KRT84: variants seen among roughly 807,000 people sequenced by gnomAD.
KRT84 encodes the protein keratin, type II cuticular Hb4.
Under a neutral mutation model 49.0 loss-of-function variants are expected in KRT84, and 38 were observed. The observed-to-expected ratio is 0.78, with a 90% confidence interval of 0.60 to 1.02. The LOEUF (loss-of-function observed/expected upper bound fraction) is 1.02. Among genes scored for constraint, KRT84 ranks in the 50% least tolerant of loss-of-function variants. The pLI, the probability that KRT84 is intolerant of heterozygous loss-of-function variation, is 0.00. For synonymous variants in KRT84, 334 were observed against 312.8 expected (o/e 1.07, Z -0.72); for missense variants, 860 against 788.6 (o/e 1.09, Z -1.08).
In KRT84 at chr12:52,381,347, C is replaced by G. The variant is rs777211528; in HGVS notation, c.1077+14G>C. The G allele has an allele frequency of 4.3e-6, 7 of 1,613,996 alleles. No individual in the cohort carries two copies. Among genetic ancestry groups the G allele is most frequent in the East Asian group, 4.5e-5 (2 of 44,892 alleles). On this transcript the variant is annotated intron_variant, in intron 5 of 8. Coordinates refer to ENST00000257951, the MANE Select transcript of KRT84 (RefSeq NM_033045.4). ...AGAGCTGCCTACATCCCTTCCCCAGCCTCCACTGCCCACCTTGGTCTGGTA... is the reference window on the plus strand; with the variant it reads ...AGAGCTGCCTACATCCCTTCCCCAGGCTCCACTGCCCACCTTGGTCTGGTA...
upstream of KRT84, among the ~76,000 whole-genome samples, chr12:52,386,834 C>A (rs2000936): frequency 0.053 from 7,996 of 152,180 alleles, 649 homozygotes; most frequent in African/African-American, 0.17. Flanking sequence ...CTTTTCTATT[C>A]TAGTGCATCC....
intron 8 of KRT84, among the ~76,000 whole-genome samples, chr12:52,378,831 C>T (rs1236820547): frequency 6.6e-6 from 1 of 152,214 alleles, no homozygotes; most frequent in African/African-American, 2.4e-5. Context: ...ACCCCTCCAA[C>T]ACTAGTCCCT....
intron 7 of KRT84, 35 bp downstream of exon 7, chr12:52,380,328 T>A (rs1335455794): frequency 1.2e-6 from 2 of 1,610,688 alleles, no homozygotes; most frequent in Non-Finnish European, 1.7e-6. Context: ...TGCCTAAGTC[T>A]GACTTCACTC....
At chr12:52,383,423 C>T (rs546202317) in intron 2 of KRT84, among the ~76,000 whole-genome samples, 167 bp downstream of exon 2, 10 of 152,026 alleles carry the variant, frequency 6.6e-5, no homozygotes, top group Non-Finnish European at 1.0e-4. Context: ...TCAGGAGGGC[C>T]TCCTCTTCTC....
At chr12:52,380,612 T>C in intron 6 of KRT84, 29 bp from the exon 7 acceptor site, 1 of 1,570,608 alleles carries the variant, frequency 6.4e-7, no homozygotes, top group Non-Finnish European at 8.6e-7. Context: ...GCAGGTAGGC[T>C]TCGGCAGTGC....
At chr12:52,382,396 C>A (rs201280600) in intron 4 of KRT84, 41 bp downstream of exon 4, 3 of 1,333,956 alleles carry the variant, frequency 2.2e-6, no homozygotes, top group East Asian at 2.3e-5. Context: ...CCAGGCCAAG[C>A]ATTGATCTCC....
rs575564721 is a variant in KRT84 at position 52,385,395 on chromosome 12, C to T, written c.191G>A (p.Arg64Gln). 65 of 1,614,178 alleles carry T rather than the reference C, an allele frequency of 4.0e-5. No individual in the cohort carries two copies. In the East Asian group the frequency reaches 1.1e-3, roughly 28 times the overall value. ...SVITFGSYSP[R>Q]IAAVGSRPIH... ...GGGCCGAGAGCCTACAGCTGCTATCCGGGGTGAGTACGATCCAAAGGTGAT... is the reference window on the plus strand; with the variant it reads ...GGGCCGAGAGCCTACAGCTGCTATCTGGGGTGAGTACGATCCAAAGGTGAT... The change falls in exon 1 of 9, where the codon CGG (arginine) becomes CAG (glutamine). Residue 64 changes from arginine to glutamine, a missense_variant. Physicochemically the swap from Arg to Gln is conservative, Grantham distance 43. Coordinates refer to ENST00000257951, the MANE Select transcript of KRT84 (RefSeq NM_033045.4).
rs2121442204 is a variant in KRT84, at chr12:52,383,760, G to T, written c.585C>A (p.Thr195=). 1 of 1,613,714 alleles carries T rather than the reference G, an allele frequency of 6.2e-7. No homozygotes were observed. Among genetic ancestry groups the T allele is most frequent in the African/African-American group, 1.3e-5 (1 of 74,894 alleles). ...FLEQQNKLLE[T]KWSFLQEQKC... Reference sequence around the variant, plus strand: ...TCTGCTCTTGGAGGAAGCTCCACTTGGTCTCTAGGAGCTTATTCTGCTGCT... The same window carrying T: ...TCTGCTCTTGGAGGAAGCTCCACTTTGTCTCTAGGAGCTTATTCTGCTGCT... Residue 195 remains threonine (T), a synonymous_variant, in exon 2 of 9, where the codon ACC becomes ACA. Transcript: ENST00000257951.
In KRT84 at chr12:52,385,488, G is replaced by T. The variant is rs942351608; in HGVS notation, c.98C>A (p.Ala33Asp). 2.5e-6 allele frequency: 4 copies of T among 1,614,128 alleles called. No homozygotes were observed. Among genetic ancestry groups the T allele is most frequent in the African/African-American group, 2.7e-5 (2 of 74,948 alleles). The change falls in exon 1 of 9, where the codon GCC (alanine) becomes GAC (aspartate). Residue 33 changes from alanine to aspartate, a missense_variant. Ala to Asp is a moderately radical substitution (Grantham distance 126). Coordinates refer to ENST00000257951, the MANE Select transcript of KRT84 (RefSeq NM_033045.4). The part of the protein sequence containing the change: ...MTPQNLNRFR[A>D]NSVSCWSGPG... ...CCCACTCCAACAGGAGACAGAGTTG[G>T]CCCGGAAGCGATTCAGGTTCTGTGG...
chr12:52,378,194 C>A lies in KRT84; in HGVS notation c.1643G>T (p.Ser548Ile). The change falls in exon 9 of 9, where the codon AGC (serine) becomes ATC (isoleucine). Residue 548 changes from serine to isoleucine, a missense_variant. Ser to Ile is a moderately radical substitution (Grantham distance 142, BLOSUM62 -2). Transcript: ENST00000257951. ...RVAPATGDLL[S>I]TGTRSGSMLI... ...CATGGAGCCACTCCTTGTGCCAGTG[C>A]TCAGCAGGTCCCCAGTGGCCGGGGC... The A allele has an allele frequency of 6.3e-7, 1 of 1,576,324 alleles. No homozygotes were observed. Among genetic ancestry groups the A allele is most frequent in the Non-Finnish European group, 8.6e-7 (1 of 1,162,230 alleles).
intron 6 of KRT84, 101 bp from the exon 7 acceptor site, chr12:52,380,684 C>A: frequency 8.0e-7 from 1 of 1,254,500 alleles, no homozygotes; most frequent in African/African-American, 1.5e-5. Context: ...AGCCTGGGGC[C>A]AAGGCAGGGA....
chr12:52,382,570 G>A (rs1223176759), intron 3 of KRT84, 38 bp from the exon 4 acceptor site: 1 of 1,532,666 alleles, frequency 6.5e-7, no homozygotes, highest in Middle Eastern at 1.7e-4. Context: ...TCATCGCCTG[G>A]GCACTGTTTC....
chr12:52,384,954 G>A (rs1230016540), intron 1 of KRT84, 86 bp downstream of exon 1: 58 of 1,371,268 alleles, frequency 4.2e-5, no homozygotes, highest in Middle Eastern at 5.3e-4. Context: ...CCCCAGAACC[G>A]GGCCAGTTCT....
chr12:52,378,046 C>T lies in KRT84; in HGVS notation c.1791G>A (p.Arg597=). Residue 597 remains arginine, a synonymous_variant, in exon 9 of 9, where the codon CGG becomes CGA. Transcript: ENST00000257951. ...VRFVSTTTSC[R]TKY ...TGGGGCTGGGCTCTCAGTACTTGGTCCGGCAGGAGGTGGTGGTGGACACAA... is the reference window on the plus strand; with the variant it reads ...TGGGGCTGGGCTCTCAGTACTTGGTTCGGCAGGAGGTGGTGGTGGACACAA... 5 of 1,471,162 alleles carry T rather than the reference C, an allele frequency of 3.4e-6. No homozygotes were observed. The highest frequency in any genetic ancestry group is 4.5e-6 in the Non-Finnish European group (5 of 1,113,016). 91.1% of individuals were successfully genotyped at this position (1,471,162 alleles called of 1,614,324 possible).
At chr12:52,378,412 C>A (rs142667368) in intron 8 of KRT84, 32 bp from the exon 9 acceptor site, 18 of 1,422,736 alleles carry the variant, frequency 1.3e-5, no homozygotes, top group Non-Finnish European at 1.7e-5. Context: ...GGGAGGCTGC[C>A]GACACCAGGG....
rs1458366257 is a variant in KRT84, at chr12:52,380,395, G to A, written c.1392C>T (p.Thr464=). 23 of 1,614,170 alleles carry A rather than the reference G, an allele frequency of 1.4e-5. No individual in the cohort carries two copies. The highest frequency in any genetic ancestry group is 1.9e-5 in the Non-Finnish European group (22 of 1,180,024). ...AKLGLDIEIA[T]YRRLLEGEES... Reference sequence around the variant, plus strand: ...CCTCGCCCTCCAGCAGGCGCCTGTAGGTGGCGATCTCGATGTCCAGGCCCA... The same window carrying A: ...CCTCGCCCTCCAGCAGGCGCCTGTAAGTGGCGATCTCGATGTCCAGGCCCA... The change falls in exon 7 of 9, where the codon ACC becomes ACT. Residue 464 remains threonine (T), a synonymous_variant. Transcript: ENST00000257951.
Position 52,378,240 on chromosome 12 carries a change from T to C in KRT84, c.1597A>G (p.Ser533Gly). ...GGGGCGACCCGGGCTCCACCCAGGC[T>C]GGGGCCACAGGAAGCCAGGACCCCA... The part of the protein sequence containing the change: ...TSGVLASCGP[S>G]LGGARVAPAT... Residue 533 changes from serine to glycine, a missense_variant, in exon 9 of 9, where the codon AGC (serine) becomes GGC (glycine). Physicochemically the swap from Ser to Gly is moderately conservative, Grantham distance 56. Coordinates refer to ENST00000257951, the MANE Select transcript of KRT84 (RefSeq NM_033045.4). The C allele has an allele frequency of 6.4e-7, 1 of 1,564,460 alleles. No homozygotes were observed. Among genetic ancestry groups the C allele is most frequent in the Non-Finnish European group, 8.7e-7 (1 of 1,155,856 alleles).
Position 52,378,096 on chromosome 12 carries a change from C to A in KRT84, c.1741G>T (p.Gly581Cys), listed in dbSNP as rs768390760. The A allele has an allele frequency of 6.6e-7, 1 of 1,508,308 alleles. No individual in the cohort carries two copies. Among genetic ancestry groups the A allele is most frequent in the Admixed American group, 2.3e-5 (1 of 42,674 alleles). The allele number at this position is 1,508,308 out of a possible 1,614,324, so 93.4% of individuals were successfully genotyped here. Residue 581 changes from glycine (G) to cysteine (C), a missense_variant, in exon 9 of 9, where the codon GGC becomes TGC. Physicochemically the swap from Gly to Cys is radical, Grantham distance 159. Transcript: ENST00000257951. ...AAGCGGACGCTGGAGCTGCGGCCGC[C>A]GCTGCAGCTGCTGAAGCCCCCCTGG... ...PTQGGFSSCSGGRSSSVRFVS... is the reference protein window; with the variant it reads ...PTQGGFSSCSCGRSSSVRFVS...
chr12:52,381,055 G>A, intron 6 of KRT84, 25 bp downstream of exon 6: 3 of 1,611,650 alleles, frequency 1.9e-6, no homozygotes, highest in Non-Finnish European at 2.5e-6. Context: ...CTCATCTGAG[G>A]CTTTCCCTCC....
Sources: gnomAD v4.1 joint callset for allele counts (sites outside exome capture counted in the v4.1 genomes callset) on GRCh38, gnomAD v4.1.1 for gene constraint, MANE v1.5 for transcripts, NCBI Gene and HGNC (gene_info 2026-07-23, HGNC 2026-07-21) for gene names.